Variants in NCOA3 observed in about 807,000 individuals in gnomAD.
The protein encoded by NCOA3 is CBP-interacting protein.
A neutral mutation model predicts 158.8 loss-of-function variants in NCOA3; 51 were observed. The observed-to-expected ratio is 0.32, with a 90% CI of 0.26 to 0.41. The LOEUF is 0.41. Ranked by LOEUF, NCOA3 falls within the 10% of genes least tolerant of loss-of-function variation. The pLI, the probability that NCOA3 is intolerant of heterozygous loss-of-function variation, is 1.00. For synonymous variants in NCOA3, 537 were observed against 592.4 expected (o/e 0.91, Z 1.36); for missense variants, 1,510 against 1,746.6 (o/e 0.86, Z 2.41).
Position 47,590,634 on chromosome 20 carries a change from C to A in NCOA3, c.-20+7373C>A, listed in dbSNP as rs372004398. ...CCTGGGCAATATGGTAAGACCCCGT[C>A]TCTACAAAAATAAAAAATAAAAACA... On this transcript the variant is annotated intron_variant, in intron 2 of 22. Coordinates refer to ENST00000371998, the MANE Select transcript of NCOA3 (RefSeq NM_181659.3). 2.6e-5 allele frequency among the ~76,000 whole-genome samples: 4 copies of A among 152,282 alleles called. 1 individual carries two copies. Among genetic ancestry groups the A allele is most frequent in the African/African-American group, 9.6e-5 (4 of 41,572 alleles).
At chr20:47,533,284 CAAA>C (rs1158802672) in intron 1 of NCOA3, among the ~76,000 whole-genome samples, 1 of 54,854 alleles carries the variant, frequency 1.8e-5, no homozygotes, top group Non-Finnish European at 3.2e-5. Flanking sequence ...GGTTCCGTCT[CAAA>C]AAAAAAAAAA....
intron 1 of NCOA3, among the ~76,000 whole-genome samples, chr20:47,576,810 T>A (rs1422187375): frequency 6.6e-6 from 1 of 152,228 alleles, no homozygotes; most frequent in African/African-American, 2.4e-5. Context: ...CGCCTTCCAC[T>A]GGTGGAGCCC....
intron 2 of NCOA3, among the ~76,000 whole-genome samples, chr20:47,621,775 T>G (rs1568732386): frequency 6.6e-6 from 1 of 150,952 alleles, no homozygotes; most frequent in Non-Finnish European, 1.5e-5. Context: ...TGCCTCAGCC[T>G]CCCAAATAAC....
chr20:47,532,383 A>C (rs2084560900), intron 1 of NCOA3, among the ~76,000 whole-genome samples: 1 of 151,056 alleles, frequency 6.6e-6, no homozygotes, highest in South Asian at 2.1e-4. Context: ...GTGAACAAAG[A>C]CGTAAGTAGC....
chr20:47,519,084 C>A (rs569194170), intron 1 of NCOA3, among the ~76,000 whole-genome samples: 2 of 150,184 alleles, frequency 1.3e-5, no homozygotes, highest in Non-Finnish European at 3.0e-5. Context: ...TGCAGTGAGC[C>A]GAGATTGTGC....
At chr20:47,613,595 C>CA (rs2086078787) in intron 2 of NCOA3, among the ~76,000 whole-genome samples, 2 of 151,300 alleles carry the variant, frequency 1.3e-5, no homozygotes, top group Non-Finnish European at 2.9e-5. Flanking sequence ...CCCTCTCTGA[C>CA]AGAGGATGAG....
chr20:47,652,328 CA>C lies in NCOA3; in HGVS notation c.3947-74del, dbSNP rs920434449. ...ACCCCCACCTCCTTTAAAAAAAAAA[CA>C]AAATTACTACAGAAATCTGATATTC... On this transcript the variant is annotated intron_variant, in intron 20 of 22. Transcript: ENST00000371998. 1.1e-5 allele frequency: 14 copies of C among 1,301,808 alleles called. No individual in the cohort carries two copies. The African/African-American group carries it at 1.8e-4, about 16-fold the overall frequency. 80.6% of individuals were successfully genotyped at this position (1,301,808 alleles called of 1,614,324 possible). A position where few individuals can be genotyped will look rare whatever the true frequency, so the allele number is the denominator to read the frequency against.
intron 1 of NCOA3, among the ~76,000 whole-genome samples, chr20:47,547,493 A>G (rs536576835): frequency 6.6e-6 from 1 of 151,742 alleles, no homozygotes; most frequent in East Asian, 1.9e-4. Context: ...GCTTACTGCA[A>G]GCTCCACCTC....
At chr20:47,585,848 C>T (rs977771097) in intron 2 of NCOA3, among the ~76,000 whole-genome samples, 3 of 151,940 alleles carry the variant, frequency 2.0e-5, no homozygotes, top group Non-Finnish European at 1.5e-5. Flanking sequence ...TTAGGTCTTG[C>T]AATTTCCCTG....
rs769311719 is a variant in NCOA3 at position 47,651,077 on chromosome 20, G to GCAGCAGCAGCAGCAA, written c.3762_3776dup (p.Gln1272_Gln1276dup). 8.8e-6 allele frequency: 11 copies of GCAGCAGCAGCAGCAA among 1,255,354 alleles called. No homozygotes were observed. In the Admixed American group the frequency reaches 1.6e-4, roughly 18 times the overall value. 77.8% of individuals were successfully genotyped at this position (1,255,354 alleles called of 1,614,324 possible). On this transcript the variant is annotated inframe_insertion, in exon 20 of 23. Coordinates refer to ENST00000371998, the MANE Select transcript of NCOA3 (RefSeq NM_181659.3). ...AGAGGGTGGCTATGATGATGCAGCA[G>GCAGCAGCAGCAGCAA]CAGCAGCAGCAGCAACAGCAGCAGC...
At chr20:47,538,209 G>GA (rs944874803) in intron 1 of NCOA3, among the ~76,000 whole-genome samples, 5 of 152,196 alleles carry the variant, frequency 3.3e-5, no homozygotes, top group African/African-American at 1.2e-4. Context: ...AACTTTGGGG[G>GA]AAAAAAACCC....
intron 2 of NCOA3, among the ~76,000 whole-genome samples, chr20:47,596,807 G>A (rs537771399): frequency 6.6e-6 from 1 of 152,204 alleles, no homozygotes; most frequent in Non-Finnish European, 1.5e-5. Context: ...TGCCCAGGGT[G>A]GTCTCGAACT....
chr20:47,532,727 C>G (rs1313825592), intron 1 of NCOA3, among the ~76,000 whole-genome samples: 2 of 152,130 alleles, frequency 1.3e-5, no homozygotes, highest in Non-Finnish European at 2.9e-5. Flanking sequence ...CCCACCTCAG[C>G]TTCCCAAAGT....
Position 47,656,220 on chromosome 20 carries a change from T to G in NCOA3, c.*2803T>G, listed in dbSNP as rs887210750. Reference sequence around the variant, plus strand: ...TGATATAAAGGAGATACATGTTTCTTCCTTTAAAAAATAAACGGAAGTTAC... The same window carrying G: ...TGATATAAAGGAGATACATGTTTCTGCCTTTAAAAAATAAACGGAAGTTAC... On this transcript the variant is annotated 3_prime_UTR_variant, in exon 23 of 23. Coordinates refer to ENST00000371998, the MANE Select transcript of NCOA3 (RefSeq NM_181659.3). 1 of 151,834 alleles carries G rather than the reference T, an allele frequency of 6.6e-6. No individual in the cohort carries two copies. The highest frequency in any genetic ancestry group is 1.5e-5 in the Non-Finnish European group (1 of 67,942). 9.4% of individuals were successfully genotyped at this position (151,834 alleles called of 1,614,324 possible). A position where few individuals can be genotyped will look rare whatever the true frequency, so the allele number is the denominator to read the frequency against.
intron 1 of NCOA3, among the ~76,000 whole-genome samples, chr20:47,514,447 G>A (rs949204094): frequency 5.3e-5 from 8 of 152,022 alleles, no homozygotes; most frequent in Non-Finnish European, 1.0e-4. Flanking sequence ...CAGTGCAGTG[G>A]TACAATCTTG....
At chr20:47,640,090 A>T in intron 16 of NCOA3, 39 bp downstream of exon 16, 2 of 1,613,292 alleles carry the variant, frequency 1.2e-6, no homozygotes, top group Non-Finnish European at 1.7e-6. Context: ...AAATCTCAGC[A>T]TTGGGTAGTT....
rs893863974 is a variant in NCOA3 at position 47,647,624 on chromosome 20, C to T, written c.3546+258C>T. On this transcript the variant is annotated intron_variant, in intron 18 of 22. Coordinates refer to ENST00000371998, the MANE Select transcript of NCOA3 (RefSeq NM_181659.3). ...GGGGAAGAAAAATGTTACTTGATGA[C>T]TTTGTAGTCTTAAAGGTAGATAAGG... Among the ~76,000 whole-genome samples the T allele has an allele frequency of 3.9e-5, 6 of 152,190 alleles. No homozygotes were observed. The South Asian group carries it at 1.2e-3, about 32-fold the overall frequency.
In NCOA3 at chr20:47,641,490, C is replaced by CTTTTTTTTTTTTTTTT. The variant is rs71183270; in HGVS notation, c.3081-710_3081-695dup. Among the ~76,000 whole-genome samples the CTTTTTTTTTTTTTTTT allele has an allele frequency of 8.3e-5, 4 of 48,366 alleles. 1 individual carries two copies. The highest frequency in any genetic ancestry group is 3.6e-4 in the African/African-American group (3 of 8,404). The allele number at this position is 48,366 out of a possible 152,430, so 31.7% of individuals were successfully genotyped here. A position where few individuals can be genotyped will look rare whatever the true frequency, so the allele number is the denominator to read the frequency against. ...GTCAGCCACCACGCCTGGCTCCCTT[C>CTTTTTTTTTTTTTTTT]TTTTTTTTTTTTTTTTTTTTTTTTT... On this transcript the variant is annotated intron_variant, in intron 16 of 22. Coordinates refer to ENST00000371998, the MANE Select transcript of NCOA3 (RefSeq NM_181659.3).
intron 1 of NCOA3, among the ~76,000 whole-genome samples, chr20:47,551,110 A>G (rs1478609456): frequency 6.6e-6 from 1 of 152,186 alleles, no homozygotes; most frequent in Non-Finnish European, 1.5e-5. Context: ...AGGAGAAAGG[A>G]AGAGTTGTAG....
Sources: allele counts gnomAD v4.1 joint callset (sites outside exome capture counted in the v4.1 genomes callset), GRCh38; gene constraint gnomAD v4.1.1; transcripts MANE v1.5; gene names NCBI Gene and HGNC (gene_info 2026-07-23, HGNC 2026-07-21).